Variants in AP2A1 observed in about 807,000 individuals in gnomAD.
AP2A1 encodes adaptor related protein complex 2 subunit alpha 1, also known as AP-2 complex subunit alpha-1.
A neutral mutation model predicts 107.3 loss-of-function variants in AP2A1; 21 were observed. The ratio of observed to expected loss-of-function variants is 0.20; its 90% CI spans 0.14 to 0.28. The LOEUF (loss-of-function observed/expected upper bound fraction) is 0.28. Ranked by LOEUF, AP2A1 falls within the 10% of genes least tolerant of loss-of-function variation. AP2A1 has a pLI of 1.00. For missense variants in AP2A1, 873 were observed against 1,307.7 expected (o/e 0.67, Z 5.13); for synonymous variants, 602 against 564.8 (o/e 1.07, Z -0.93).
At chr19:49,783,934 G>A (rs2084707548) in intron 4 of AP2A1, among the ~76,000 whole-genome samples, 1 of 152,190 alleles carries the variant, frequency 6.6e-6, no homozygotes, top group Admixed American at 6.5e-5. Flanking sequence ...AAGCCCCTAA[G>A]TCAACCTTTA....
At chr19:49,780,370 G>C (rs2084661662) in intron 1 of AP2A1, among the ~76,000 whole-genome samples, 1 of 152,242 alleles carries the variant, frequency 6.6e-6, no homozygotes, top group African/African-American at 2.4e-5. Context: ...CAAATGATGG[G>C]AAGATGACAG....
chr19:49,791,278 G>A (rs191865818), intron 4 of AP2A1, among the ~76,000 whole-genome samples: 312 of 152,248 alleles, frequency 2.0e-3, no homozygotes, highest in Middle Eastern at 3.4e-3. Context: ...CAAGCTAGAG[G>A]GAGTGCAGTG....
At chr19:49,799,914 G>C in intron 10 of AP2A1, 54 bp from the exon 11 acceptor site, 4 of 1,595,158 alleles carry the variant, frequency 2.5e-6, no homozygotes, top group Middle Eastern at 3.5e-4. Flanking sequence ...ATCCAGGTGA[G>C]TGAAAGCCCG....
chr19:49,794,998 T>TC (rs757333866), intron 6 of AP2A1, among the ~76,000 whole-genome samples: 22 of 152,294 alleles, frequency 1.4e-4, no homozygotes, highest in Non-Finnish European at 2.6e-4. Flanking sequence ...CCCTGCCTCT[T>TC]CCCCGAACCT....
intron 12 of AP2A1, 148 bp downstream of exon 12, chr19:49,801,206 G>A (rs1382164094): frequency 3.9e-6 from 4 of 1,016,204 alleles, no homozygotes; most frequent in Admixed American, 5.3e-5. Context: ...TAAGAAAGGA[G>A]CTTAGTCCCA....
At chr19:49,769,750 G>A (rs1425170786) in intron 1 of AP2A1, among the ~76,000 whole-genome samples, 5 of 152,226 alleles carry the variant, frequency 3.3e-5, no homozygotes, top group African/African-American at 1.2e-4. Flanking sequence ...TCTGGCTGCT[G>A]TGAGAACAGA....
intron 1 of AP2A1, among the ~76,000 whole-genome samples, 185 bp downstream of exon 1, chr19:49,767,385 G>A (rs1018107413): frequency 3.3e-5 from 5 of 152,110 alleles, no homozygotes; most frequent in African/African-American, 1.2e-4. Context: ...GTCATAGAGT[G>A]CCTCTTGAGG....
In AP2A1 at chr19:49,795,673, A is replaced by T. The variant is rs1436780576; in HGVS notation, c.749A>T (p.Tyr250Phe). Residue 250 changes from tyrosine to phenylalanine, a missense_variant, in exon 7 of 23, where the codon TAC becomes TTC. Physicochemically the swap from Tyr to Phe is conservative, Grantham distance 22 (BLOSUM62 3). This residue lies in a region of AP2A1 where 157 missense variants were observed against 212.6 expected (regional missense o/e 0.74). Coordinates refer to ENST00000354293, the MANE Select transcript of AP2A1 (RefSeq NM_130787.3). ...ACCGACCTCCAGGACTACACCTACT[A>T]CTTCGTCCCAGCACCCTGGCTCTCG... ...ASTDLQDYTY[Y>F]FVPAPWLSVK... 6.4e-7 allele frequency: 1 copy of T among 1,554,272 alleles called. No individual in the cohort carries two copies. The highest frequency in any genetic ancestry group is 8.7e-7 in the Non-Finnish European group (1 of 1,154,768).
Position 49,788,725 on chromosome 19 carries a change from G to A in AP2A1, c.474-3210G>A, listed in dbSNP as rs1036783287. 2.0e-5 allele frequency among the ~76,000 whole-genome samples: 3 copies of A among 151,854 alleles called. No individual in the cohort carries two copies. The highest frequency in any genetic ancestry group is 2.9e-5 in the Non-Finnish European group (2 of 67,952). On this transcript the variant is annotated intron_variant, in intron 4 of 22. Transcript: ENST00000354293. This position sits in a 1 kb window ranked among gnomAD's most constrained non-coding sequence, Gnocchi z 4.5. ...GGAGATGCGCGCCGTGACGGAGATG[G>A]GAAAGTGGCCTGGAGTCAGGGCTCG...
At chr19:49,806,461 C>A in intron 22 of AP2A1, 1 of 1,437,834 alleles carries the variant, frequency 7.0e-7, no homozygotes. Context: ...CCTGTCCCTC[C>A]CTGATTTCTA....
chr19:49,767,133 C>T lies in AP2A1; in HGVS notation c.-1C>T, dbSNP rs1568571204. Reference sequence around the variant, plus strand: ...GGCCTGGAGCCGACACCACCGCCATCATGCCGGCCGTGTCCAAGGGCGATG... The same window carrying T: ...GGCCTGGAGCCGACACCACCGCCATTATGCCGGCCGTGTCCAAGGGCGATG... On this transcript the variant is annotated 5_prime_UTR_variant, in exon 1 of 23. Transcript: ENST00000354293. 1.9e-6 allele frequency: 3 copies of T among 1,611,432 alleles called. No individual in the cohort carries two copies. The highest frequency in any genetic ancestry group is 2.5e-6 in the Non-Finnish European group (3 of 1,179,670).
intron 11 of AP2A1, 65 bp downstream of exon 11, chr19:49,800,215 CG>C (rs2073260479): frequency 1.3e-6 from 2 of 1,506,022 alleles, no homozygotes; most frequent in Admixed American, 4.0e-5. Context: ...CAAGGATGGC[CG>C]GGGCCGTGGC....
intron 6 of AP2A1, 28 bp from the exon 7 acceptor site, chr19:49,795,602 C>CCCCCCAG: frequency 3.2e-6 from 4 of 1,236,832 alleles, no homozygotes; most frequent in Non-Finnish European, 4.6e-6. Flanking sequence ...CCCCAGCCCC[C>CCCCCCAG]AACTTATTTC....
chr19:49,799,853 G>A, intron 10 of AP2A1, 87 bp downstream of exon 10: 1 of 1,561,166 alleles, frequency 6.4e-7, no homozygotes, highest in Admixed American at 1.9e-5. Context: ...AGGGAGGAGG[G>A]GCTGGGGCCT....
Position 49,807,021 on chromosome 19 carries a change from C to CG in AP2A1, c.*263_*264insG. The CG allele has an allele frequency of 9.4e-6, 9 of 960,758 alleles. No homozygotes were observed. Among genetic ancestry groups the CG allele is most frequent in the Non-Finnish European group, 1.4e-5 (9 of 656,060 alleles). The allele number at this position is 960,758 out of a possible 1,614,324, so 59.5% of individuals were successfully genotyped here. On this transcript the variant is annotated 3_prime_UTR_variant, in exon 23 of 23. Coordinates refer to ENST00000354293, the MANE Select transcript of AP2A1 (RefSeq NM_130787.3). ...GGGGCCAGGGAAGTGGATGTCTCCTCCCCTCCCACCCCACCCTGTTGTAGC... is the reference window on the plus strand; with the variant it reads ...GGGGCCAGGGAAGTGGATGTCTCCTCGCCCTCCCACCCCACCCTGTTGTAGC...
In AP2A1 at chr19:49,782,619, G is replaced by A. The variant is rs369435829; in HGVS notation, c.368G>A (p.Arg123His). 2.5e-6 allele frequency: 4 copies of A among 1,613,700 alleles called. No homozygotes were observed. In the African/African-American group the frequency reaches 4.0e-5, roughly 16 times the overall value. Reference protein sequence around the residue: ...NNAIKNDLASRNPTFMCLALH... With the variant: ...NNAIKNDLASHNPTFMCLALH... ...GCCATCAAGAATGACCTGGCCAGCCGCAACCCCACCTTCATGTGCCTGGCC... is the reference window on the plus strand; with the variant it reads ...GCCATCAAGAATGACCTGGCCAGCCACAACCCCACCTTCATGTGCCTGGCC... Residue 123 changes from arginine (R) to histidine (H), a missense_variant, in exon 4 of 23, where the codon CGC (arginine) becomes CAC (histidine). Coordinates refer to ENST00000354293, the MANE Select transcript of AP2A1 (RefSeq NM_130787.3).
At chr19:49,793,404 G>A (rs1248680521) in intron 6 of AP2A1, among the ~76,000 whole-genome samples, 1 of 152,128 alleles carries the variant, frequency 6.6e-6, no homozygotes, top group Non-Finnish European at 1.5e-5. Context: ...GGAGCCAGCC[G>A]CCCTCATGAC....
Position 49,805,533 on chromosome 19 carries a change from C to T in AP2A1, c.2425C>T (p.Leu809=), listed in dbSNP as rs773956782. Residue 809 remains leucine (L), a synonymous_variant, in exon 19 of 23, where the codon CTG becomes TTG. Transcript: ENST00000354293. ...QVQQVLNIEC[L]RDFLTPPLLS... ...GCAGCAGGTGCTCAATATCGAGTGC[C>T]TGCGGGACTTCCTGACGCCCCCGCT... The T allele has an allele frequency of 5.1e-6, 8 of 1,575,696 alleles. No homozygotes were observed. In the East Asian group the frequency reaches 1.2e-4, roughly 23 times the overall value.
intron 4 of AP2A1, among the ~76,000 whole-genome samples, chr19:49,786,590 C>G (rs1250098698): frequency 6.6e-6 from 1 of 152,106 alleles, no homozygotes; most frequent in African/African-American, 2.4e-5. Flanking sequence ...GTGTTACGCT[C>G]TGGCAGGGGG....
Sources: gnomAD v4.1 joint callset for allele counts (sites outside exome capture counted in the v4.1 genomes callset) on GRCh38, gnomAD v4.1.1 for gene constraint, gnomAD v4.1.1 regional missense constraint, Gnocchi (gnomAD v3.1) non-coding constraint, MANE v1.5 for transcripts, NCBI Gene and HGNC (gene_info 2026-07-23, HGNC 2026-07-21) for gene names.